PREX1: variants seen among roughly 807,000 people sequenced by gnomAD.
PREX1 encodes the protein phosphatidylinositol 3,4,5-trisphosphate-dependent Rac exchanger 1 protein.
Under a neutral mutation model 198.3 loss-of-function variants are expected in PREX1, and 41 were observed. The observed-to-expected ratio is 0.21, with a 90% confidence interval of 0.16 to 0.27. PREX1 has a LOEUF of 0.27. PREX1 is among the 10% of genes least tolerant of loss of function. The probability of loss-of-function intolerance (pLI) is 1.00; values close to 1 mark genes in which losing one functional copy is unlikely to be tolerated. For synonymous variants in PREX1, 843 were observed against 887.2 expected (o/e 0.95, Z 0.89); for missense variants, 1,620 against 2,200.7 (o/e 0.74, Z 5.28).
chr20:48,862,790 A>AAAATATATAT, the PREX1 span, among the ~76,000 whole-genome samples: 109 of 102,534 alleles, frequency 1.1e-3, no homozygotes, highest in African/African-American at 3.4e-3. Flanking sequence ...TAAAAAAAAA[A>AAAATATATAT]ATATATATAT....
At chr20:48,681,714 G>T (rs1243048205) in intron 10 of PREX1, among the ~76,000 whole-genome samples, 1 of 152,190 alleles carries the variant, frequency 6.6e-6, no homozygotes, top group Non-Finnish European at 1.5e-5. Context: ...ACGGACGGAT[G>T]GATGTCCGGC....
the PREX1 span, among the ~76,000 whole-genome samples, chr20:48,852,497 CTG>C: frequency 1.3e-5 from 2 of 152,214 alleles, no homozygotes; most frequent in Non-Finnish European, 2.9e-5. Context: ...TTCTGGGAAT[CTG>C]TCTTCTAAAC....
At chr20:48,835,369 C>T in the PREX1 span, among the ~76,000 whole-genome samples, 7 of 152,186 alleles carry the variant, frequency 4.6e-5, no homozygotes, top group South Asian at 2.1e-4. Context: ...CTGTTGCTTA[C>T]GTTCTAGGGA....
At chr20:48,708,873 G>A (rs1319959489) in intron 5 of PREX1, among the ~76,000 whole-genome samples, 2 of 152,160 alleles carry the variant, frequency 1.3e-5, no homozygotes, top group Non-Finnish European at 2.9e-5. Flanking sequence ...GAAAAACAGA[G>A]AGATCCGCGG....
chr20:48,700,654 TCA>T, intron 7 of PREX1, 97 bp downstream of exon 7: 1 of 1,498,656 alleles, frequency 6.7e-7, no homozygotes, highest in Non-Finnish European at 9.2e-7. Flanking sequence ...ACCCCTCAAC[TCA>T]CAGGAAAGGG....
intron 7 of PREX1, among the ~76,000 whole-genome samples, chr20:48,695,037 T>C (rs1440023516): frequency 1.3e-5 from 2 of 152,164 alleles, no homozygotes; most frequent in African/African-American, 4.8e-5. Context: ...TATTAAAGTA[T>C]AAAATCCACA....
the PREX1 span, among the ~76,000 whole-genome samples, chr20:48,857,340 A>C: frequency 6.6e-6 from 1 of 152,178 alleles, no homozygotes; most frequent in Non-Finnish European, 1.5e-5. Flanking sequence ...AAGATAACAT[A>C]ATGAGAAAGG....
intron 1 of PREX1, among the ~76,000 whole-genome samples, chr20:48,753,818 G>A (rs1338370859): frequency 2.0e-5 from 3 of 152,080 alleles, no homozygotes; most frequent in Non-Finnish European, 2.9e-5. Context: ...CCTCTCACAG[G>A]CCACCCCTGG....
At chr20:48,823,184 T>C (rs1325148433) in intron 1 of PREX1, among the ~76,000 whole-genome samples, 1 of 152,176 alleles carries the variant, frequency 6.6e-6, no homozygotes, top group African/African-American at 2.4e-5. Context: ...TCTGTGTCTC[T>C]ATAGCTCTCT....
chr20:48,774,572 C>G (rs917672739), intron 1 of PREX1, among the ~76,000 whole-genome samples: 1 of 152,226 alleles, frequency 6.6e-6, no homozygotes, highest in African/African-American at 2.4e-5. Context: ...TTTCTACATT[C>G]ATAAAAGAGG....
At chr20:48,679,330 T>C in intron 13 of PREX1, 30 bp downstream of exon 13, 1 of 1,594,444 alleles carries the variant, frequency 6.3e-7, no homozygotes, top group Non-Finnish European at 8.6e-7. Flanking sequence ...GAGGTAGAGG[T>C]GAAATTGGAG....
At chr20:48,884,552 T>C in the PREX1 span, among the ~76,000 whole-genome samples, 3 of 152,218 alleles carry the variant, frequency 2.0e-5, no homozygotes, top group African/African-American at 7.2e-5. Context: ...ACTAAAACTA[T>C]AAACTTCTTA....
rs2090512177 is a variant in PREX1, at chr20:48,827,051, A to G, written c.219+591T>C. Among the ~76,000 whole-genome samples, 1 of 152,156 alleles carries G rather than the reference A, an allele frequency of 6.6e-6. No homozygotes were observed. Among genetic ancestry groups the G allele is most frequent in the African/African-American group, 2.4e-5 (1 of 41,432 alleles). On this transcript the variant is annotated intron_variant, in intron 1 of 39. Transcript: ENST00000371941. The surrounding 1 kb of genome is among the most constrained non-coding windows in gnomAD (Gnocchi z 4.1). ...ATGGGGAGTTGGTGGGGGTGGATGC[A>G]GTTAGGGAGCCTGGACTGCCGAGTT...
chr20:48,776,946 C>T (rs1399155652), intron 1 of PREX1, among the ~76,000 whole-genome samples: 1 of 152,180 alleles, frequency 6.6e-6, no homozygotes, highest in African/African-American at 2.4e-5. Flanking sequence ...GACTGACCTC[C>T]ACTCCAGGCC....
intron 1 of PREX1, chr20:48,821,662 T>G (rs2090485582): frequency 6.6e-6 from 1 of 152,240 alleles, no homozygotes; most frequent in South Asian, 2.1e-4. Flanking sequence ...TGCAAAACCT[T>G]TAAGGGAGAG....
intron 15 of PREX1, among the ~76,000 whole-genome samples, chr20:48,663,912 A>G (rs550575295): frequency 1.4e-3 from 206 of 150,310 alleles, no homozygotes; most frequent in Middle Eastern, 0.01. Flanking sequence ...GAGTGCGCGC[A>G]CACACACACA....
the PREX1 span, among the ~76,000 whole-genome samples, chr20:48,864,973 C>A: frequency 2.0e-5 from 3 of 152,256 alleles, no homozygotes; most frequent in South Asian, 6.2e-4. Flanking sequence ...AACAGAGTCA[C>A]TGGGCAGGGA....
At position 48,639,757 on chromosome 20, in the gene PREX1, C is replaced by A; in HGVS notation, c.3904+9G>T. The A allele has an allele frequency of 6.2e-7, 1 of 1,613,472 alleles. No homozygotes were observed. Among genetic ancestry groups the A allele is most frequent in the Non-Finnish European group, 8.5e-7 (1 of 1,179,666 alleles). ...TCCCCACCATGATGCACCCTCCCTG[C>A]CCACCGACCTTCCACATATCTCTGA... On this transcript the variant is annotated intron_variant, in intron 30 of 39. Coordinates refer to ENST00000371941, the MANE Select transcript of PREX1 (RefSeq NM_020820.4).
intron 1 of PREX1, among the ~76,000 whole-genome samples, chr20:48,751,804 C>T (rs1416204909): frequency 6.6e-6 from 1 of 152,218 alleles, no homozygotes; most frequent in African/African-American, 2.4e-5. Flanking sequence ...CACATCTGCC[C>T]AAGTCCTCCT....
Sources: allele counts gnomAD v4.1 joint callset (sites outside exome capture counted in the v4.1 genomes callset), GRCh38; gene constraint gnomAD v4.1.1; non-coding constraint Gnocchi (gnomAD v3.1); transcripts MANE v1.5; gene names NCBI Gene and HGNC (gene_info 2026-07-23, HGNC 2026-07-21).